Variants in BCL11A observed in about 807,000 individuals in gnomAD.
BCL11A encodes the protein B cell CLL/lymphoma 11A.
BCL11A carries 2 observed loss-of-function variants against 55.9 expected under a neutral mutation model. That is an observed-to-expected ratio of 0.04 (90% confidence interval 0.01 to 0.11). The LOEUF is 0.11. Ranked by LOEUF, BCL11A falls within the 10% of genes least tolerant of loss-of-function variation. The pLI, the probability that BCL11A is intolerant of heterozygous loss-of-function variation, is 1.00. For synonymous variants in BCL11A, 465 were observed against 473.4 expected, an observed-to-expected ratio of 0.98 and a Z score of 0.23; for missense variants, 817 against 1,137.1, an observed-to-expected ratio of 0.72 and a Z score of 4.05.
At chr2:60,529,535 C>T (rs1669354830) in intron 2 of BCL11A, among the ~76,000 whole-genome samples, 1 of 152,162 alleles carries the variant, frequency 6.6e-6, no homozygotes. Context: ...GTCCCTCCTC[C>T]CTTTCTTACC....
chr2:60,531,112 G>A (rs948069147), intron 2 of BCL11A, among the ~76,000 whole-genome samples: 2 of 151,794 alleles, frequency 1.3e-5, no homozygotes, highest in African/African-American at 4.8e-5. Flanking sequence ...CGGAGCAGAT[G>A]GACTTGACCA....
intron 2 of BCL11A, among the ~76,000 whole-genome samples, chr2:60,532,497 G>C (rs767557117): frequency 1.1e-4 from 17 of 150,412 alleles, no homozygotes; most frequent in Non-Finnish European, 2.2e-4. Context: ...TTATGATTTG[G>C]TTTCCCCCTT....
chr2:60,548,254 G>A (rs1670238531), intron 1 of BCL11A, among the ~76,000 whole-genome samples: 1 of 147,342 alleles, frequency 6.8e-6, no homozygotes, highest in Non-Finnish European at 1.5e-5. Flanking sequence ...GAAGACTTAG[G>A]AAAATATTTT....
At position 60,458,789 on chromosome 2, in the gene BCL11A, T is replaced by C; in HGVS notation, c.*1615A>G. 1 of 1,030,904 alleles carries C rather than the reference T, an allele frequency of 9.7e-7. No homozygotes were observed. The highest frequency in any genetic ancestry group is 1.2e-6 in the Non-Finnish European group (1 of 856,820). 63.9% of individuals were successfully genotyped at this position (1,030,904 alleles called of 1,614,324 possible). On this transcript the variant is annotated 3_prime_UTR_variant, in exon 4 of 4. Transcript: ENST00000642384. ...TCTGTATCTCTGATTAGAGAAAAGA[T>C]ACAGATATCACAGGCAGAGTCAAGT...
intron 2 of BCL11A, among the ~76,000 whole-genome samples, chr2:60,516,834 TG>T (rs569213531): frequency 1.4e-3 from 218 of 152,322 alleles, no homozygotes; most frequent in African/African-American, 4.7e-3. Context: ...TAAGATATCT[TG>T]CCATTGGACT....
downstream of BCL11A, chr2:60,452,248 G>T: frequency 3.8e-6 from 1 of 266,212 alleles, no homozygotes; most frequent in Non-Finnish European, 7.2e-6. Flanking sequence ...GGACTCATGC[G>T]CATTTCCACA....
chr2:60,451,798 T>A (rs1052331644), exon 5 of BCL11A: 4 of 230,064 alleles, frequency 1.7e-5, no homozygotes, highest in African/African-American at 8.8e-5. Flanking sequence ...ACCAAAAGCA[T>A]ATATTTGAAA....
At chr2:60,453,545 G>A (rs1675813691), downstream of BCL11A, among the ~76,000 whole-genome samples, 1 of 152,254 alleles carries the variant, frequency 6.6e-6, no homozygotes, top group African/African-American at 2.4e-5. Context: ...GAGCAGAGCA[G>A]CGGAGACCTG....
chr2:60,499,347 C>T (rs974113920), intron 2 of BCL11A, among the ~76,000 whole-genome samples: 6 of 152,160 alleles, frequency 3.9e-5, no homozygotes, highest in Non-Finnish European at 7.3e-5. Context: ...CAAAGCCCAT[C>T]GTGCCTTATT....
In BCL11A at chr2:60,481,220, C is replaced by A. The variant is rs373623502; in HGVS notation, c.386-12387G>T. Among the ~76,000 whole-genome samples, 18 of 152,272 alleles carry A rather than the reference C, an allele frequency of 1.2e-4. 1 individual carries two copies. In the East Asian group the frequency reaches 2.7e-3, roughly 23 times the overall value. On this transcript the variant is annotated intron_variant, in intron 2 of 3. Transcript: ENST00000642384. Reference sequence around the variant, plus strand: ...TGGGAAGGGCCCTGGAATGGGATATCCCCTCCCCTCCCAGCACCCCATTCC... The same window carrying A: ...TGGGAAGGGCCCTGGAATGGGATATACCCTCCCCTCCCAGCACCCCATTCC...
At chr2:60,535,681 G>A (rs752097895) in intron 2 of BCL11A, 2 of 152,316 alleles carry the variant, frequency 1.3e-5, no homozygotes, top group African/African-American at 4.8e-5. Context: ...GAGAAGCACA[G>A]GAGGGAGAGG....
At chr2:60,475,382 G>A (rs1677535465) in intron 2 of BCL11A, among the ~76,000 whole-genome samples, 1 of 152,164 alleles carries the variant, frequency 6.6e-6, no homozygotes, top group Non-Finnish European at 1.5e-5. Context: ...CAATGAATGT[G>A]GGTGGCCCGC....
intron 1 of BCL11A, chr2:60,551,074 ACCC>A: frequency 2.5e-6 from 1 of 395,428 alleles, no homozygotes; most frequent in Non-Finnish European, 4.4e-6. Flanking sequence ...CCCTGTGCGC[ACCC>A]CCCACCACCA....
intron 2 of BCL11A, among the ~76,000 whole-genome samples, chr2:60,498,551 TG>T (rs1262923341): frequency 1.3e-5 from 2 of 152,244 alleles, no homozygotes; most frequent in Admixed American, 6.5e-5. Flanking sequence ...AGAATTGGCC[TG>T]GGACATTCAT....
intron 2 of BCL11A, chr2:60,538,133 C>T (rs1275417565): frequency 2.0e-5 from 3 of 152,214 alleles, no homozygotes; most frequent in Non-Finnish European, 2.9e-5. Context: ...GTGTGCAAGG[C>T]GCCTTCTCGC....
At chr2:60,467,169 TGGTG>T (rs1192163386) in intron 3 of BCL11A, among the ~76,000 whole-genome samples, 2 of 135,294 alleles carry the variant, frequency 1.5e-5, no homozygotes, top group African/African-American at 5.8e-5. Flanking sequence ...GTGGTGGTGA[TGGTG>T]GTGGTGGTGG....
chr2:60,517,193 C>T (rs1295362921), intron 2 of BCL11A, among the ~76,000 whole-genome samples: 1 of 152,144 alleles, frequency 6.6e-6, no homozygotes, highest in African/African-American at 2.4e-5. Context: ...GTTGGGCTGG[C>T]CAATTCTGGA....
At chr2:60,552,093 G>A (rs539503210) in intron 1 of BCL11A, among the ~76,000 whole-genome samples, 4 of 151,554 alleles carry the variant, frequency 2.6e-5, no homozygotes, top group African/African-American at 7.3e-5. Context: ...GGGGAAGAGG[G>A]TGATTGTAAA....
intron 2 of BCL11A, among the ~76,000 whole-genome samples, chr2:60,502,191 A>G (rs1179290104): frequency 6.6e-6 from 1 of 152,230 alleles, no homozygotes; most frequent in African/African-American, 2.4e-5. Flanking sequence ...CAAAGCAACA[A>G]TCAGAGATCA....
Sources: allele counts gnomAD v4.1 joint callset (sites outside exome capture counted in the v4.1 genomes callset), GRCh38; gene constraint gnomAD v4.1.1; transcripts MANE v1.5; gene names NCBI Gene and HGNC (gene_info 2026-07-23, HGNC 2026-07-21).